Variants in RPLP1 observed in about 807,000 individuals in gnomAD.
The protein encoded by RPLP1 is ribosomal protein lateral stalk subunit P1.
In RPLP1, 4 loss-of-function variants were observed where a neutral mutation model predicts 11.6. The observed-to-expected ratio is 0.34, with a 90% CI of 0.17 to 0.79. RPLP1 has a LOEUF of 0.79. RPLP1 is among the 30% of genes least tolerant of loss of function. The pLI, the probability that RPLP1 is intolerant of heterozygous loss-of-function variation, is 0.55. For missense variants in RPLP1, 133 were observed against 142.8 expected (o/e 0.93, Z 0.35); for synonymous variants, 54 against 52.2 (o/e 1.03, Z -0.15).
chr15:69,455,116 G>T, intron 2 of RPLP1, 54 bp from the exon 3 acceptor site: 1 of 1,511,202 alleles, frequency 6.6e-7, no homozygotes, highest in Non-Finnish European at 8.8e-7. Context: ...GGCTGCGTGA[G>T]TGCTTAACAA....
In RPLP1 at chr15:69,452,938, T is replaced by A; in HGVS notation, c.-11T>A. Reference sequence around the variant, plus strand: ...GCGTCCGGCAGCGCCAGCCCTACACTCGCCCGCGCCATGGCCTCTGTCTCC... The same window carrying A: ...GCGTCCGGCAGCGCCAGCCCTACACACGCCCGCGCCATGGCCTCTGTCTCC... On this transcript the variant is annotated 5_prime_UTR_variant, in exon 1 of 4. Coordinates refer to ENST00000260379, the MANE Select transcript of RPLP1 (RefSeq NM_001003.3). The A allele has an allele frequency of 1.3e-6, 2 of 1,568,966 alleles. No individual in the cohort carries two copies. The highest frequency in any genetic ancestry group is 1.7e-6 in the Non-Finnish European group (2 of 1,159,596).
intron 2 of RPLP1, 58 bp downstream of exon 2, chr15:69,453,779 G>A (rs1892389993): frequency 6.3e-7 from 1 of 1,582,014 alleles, no homozygotes; most frequent in Non-Finnish European, 8.7e-7. Flanking sequence ...GAGGGCAGTT[G>A]TACATGCTAA....
intron 2 of RPLP1, chr15:69,453,937 A>G: frequency 1.8e-6 from 1 of 565,946 alleles, no homozygotes; most frequent in East Asian, 2.9e-5. Context: ...TTTGCTCTGA[A>G]ACCATGGTTA....
intron 2 of RPLP1, 102 bp downstream of exon 2, chr15:69,453,823 C>T: frequency 8.7e-7 from 1 of 1,143,756 alleles, no homozygotes; most frequent in Non-Finnish European, 1.3e-6. Flanking sequence ...GCCCCACATG[C>T]CGCTGGATCT....
At chr15:69,455,347 T>C in intron 3 of RPLP1, 60 bp downstream of exon 3, 1 of 1,541,226 alleles carries the variant, frequency 6.5e-7, no homozygotes, top group East Asian at 2.3e-5. Flanking sequence ...AAAAATAGTA[T>C]TATAGACAAA....
At chr15:69,455,111 C>T (rs896595001) in intron 2 of RPLP1, 59 bp from the exon 3 acceptor site, 15 of 1,502,458 alleles carry the variant, frequency 1.0e-5, no homozygotes, top group Admixed American at 2.4e-5. Context: ...TTTTTGGCTG[C>T]GTGAGTGCTT....
chr15:69,453,176 G>A (rs377183450), intron 1 of RPLP1, 156 bp downstream of exon 1: 1 of 702,264 alleles, frequency 1.4e-6, no homozygotes, highest in East Asian at 2.7e-5. Flanking sequence ...TCGGGGCTGG[G>A]GCCTCTCTCC....
chr15:69,455,312 T>C, intron 3 of RPLP1, 25 bp downstream of exon 3: 4 of 1,543,954 alleles, frequency 2.6e-6, no homozygotes, highest in African/African-American at 2.8e-5. Context: ...GTTTTTAGTA[T>C]TGGGAGGAGT....
chr15:69,453,572 AT>A, intron 1 of RPLP1, 74 bp from the exon 2 acceptor site: 1 of 1,463,628 alleles, frequency 6.8e-7, no homozygotes, highest in East Asian at 2.3e-5. Context: ...ATGTACACTT[AT>A]TGAGTGACGT....
At chr15:69,453,100 C>A in intron 1 of RPLP1, 80 bp downstream of exon 1, 1 of 1,310,608 alleles carries the variant, frequency 7.6e-7, no homozygotes. Flanking sequence ...CGGCTCCAGG[C>A]CGTTCGACTG....
In RPLP1 at chr15:69,453,726, G is replaced by C; in HGVS notation, c.147+5G>C. ...TGGCCTGGCTTGTTTGCAAAGGTAA[G>C]GTGATGGTGGCAAAGTGATTGTGGT... On this transcript the variant is annotated splice_donor_5th_base_variant and intron_variant, in intron 2 of 3. Transcript: ENST00000260379. 1 of 1,614,196 alleles carries C rather than the reference G, an allele frequency of 6.2e-7. No individual in the cohort carries two copies. Among genetic ancestry groups the C allele is most frequent in the African/African-American group, 1.3e-5 (1 of 75,058 alleles).
Position 69,453,710 on chromosome 15 carries a change from T to G in RPLP1, c.136T>G (p.Leu46Val). Residue 46 changes from leucine to valine, a missense_variant, in exon 2 of 4, where the codon TTG (leucine) becomes GTG (valine). Coordinates refer to ENST00000260379, the MANE Select transcript of RPLP1 (RefSeq NM_001003.3). ...AAATGTTGAGCCTTTTTGGCCTGGC[T>G]TGTTTGCAAAGGTAAGGTGATGGTG... is the stretch of plus-strand genomic sequence containing the variant. ...GVNVEPFWPG[L>V]FAKALANVNI... The G allele has an allele frequency of 6.2e-7, 1 of 1,614,180 alleles. No homozygotes were observed. Among genetic ancestry groups the G allele is most frequent in the Non-Finnish European group, 8.5e-7 (1 of 1,180,028 alleles).
Position 69,455,242 on chromosome 15 carries a change from G to C in RPLP1, c.220G>C (p.Ala74Pro), listed in dbSNP as rs1367224072. 6.2e-7 allele frequency: 1 copy of C among 1,603,446 alleles called. No individual in the cohort carries two copies. The highest frequency in any genetic ancestry group is 1.3e-5 in the African/African-American group (1 of 74,566). The change falls in exon 3 of 4, where the codon GCT (alanine) becomes CCT (proline). Residue 74 changes from alanine (A) to proline (P), a missense_variant. Transcript: ENST00000260379. ...GAGGPAPAAG[A>P]APAGGPAPST... ...CGGTGGACCTGCTCCAGCAGCTGGTGCTGCACCAGCAGGAGGTCCTGCCCC... is the reference window on the plus strand; with the variant it reads ...CGGTGGACCTGCTCCAGCAGCTGGTCCTGCACCAGCAGGAGGTCCTGCCCC...
At chr15:69,454,553 CTA>C (rs375371445) in intron 2 of RPLP1, 2 of 152,126 alleles carry the variant, frequency 1.3e-5, no homozygotes, top group African/African-American at 4.8e-5. Flanking sequence ...GTTGTGACCT[CTA>C]AAGAGTTTTG....
intron 1 of RPLP1, chr15:69,453,265 A>T (rs1892379296): frequency 1.7e-6 from 1 of 583,418 alleles, no homozygotes; most frequent in Admixed American, 3.1e-5. Context: ...CTCCGGCTCC[A>T]AGAGCCTTCG....
At position 69,456,120 on chromosome 15, in the gene RPLP1, TTAA is replaced by T. The variant is rs1468963137; in HGVS notation, c.*619_*621del. 4 of 152,336 alleles carry T rather than the reference TTAA, an allele frequency of 2.6e-5. No individual in the cohort carries two copies. The East Asian group carries it at 5.8e-4, about 22-fold the overall frequency. The allele number at this position is 152,336 out of a possible 1,614,324, so 9.4% of individuals were successfully genotyped here. A position where few individuals can be genotyped will look rare whatever the true frequency, so the allele number is the denominator to read the frequency against. ...ACTAAGAGCTTTTTTTGTTTGCCAATTAATAATACCATGAATGGAATTTTCAAC... is the reference window on the plus strand; with the variant it reads ...ACTAAGAGCTTTTTTTGTTTGCCAATTAATACCATGAATGGAATTTTCAAC... On this transcript the variant is annotated 3_prime_UTR_variant, in exon 4 of 4. Transcript: ENST00000260379.
chr15:69,455,097 T>C (rs1567087978), intron 2 of RPLP1, 73 bp from the exon 3 acceptor site: 1 of 1,499,084 alleles, frequency 6.7e-7, no homozygotes, highest in East Asian at 2.4e-5. Flanking sequence ...GGGGATACTT[T>C]TCGTTTTTGG....
At position 69,452,996 on chromosome 15, in the gene RPLP1, G is replaced by A. The variant is rs756168900; in HGVS notation, c.48G>A (p.Leu16=). The change falls in exon 1 of 4, where the codon CTG becomes CTA. Residue 16 remains leucine, a synonymous_variant. Coordinates refer to ENST00000260379, the MANE Select transcript of RPLP1 (RefSeq NM_001003.3). ...ELACIYSALI[L]HDDEVTVTED... ...CCTGCATCTACTCGGCCCTCATTCT[G>A]CACGACGATGAGGTGACAGTCACGG... 3.8e-6 allele frequency: 6 copies of A among 1,575,650 alleles called. No individual in the cohort carries two copies. Among genetic ancestry groups the A allele is most frequent in the Admixed American group, 3.6e-5 (2 of 54,834 alleles).
chr15:69,453,397 G>A (rs1031765075), intron 1 of RPLP1: 1 of 583,548 alleles, frequency 1.7e-6, no homozygotes. Flanking sequence ...GGAGGAAGGC[G>A]CCCGAGCTCG....
Sources: allele counts gnomAD v4.1 joint callset, GRCh38; gene constraint gnomAD v4.1.1; transcripts MANE v1.5; gene names NCBI Gene and HGNC (gene_info 2026-07-23, HGNC 2026-07-21).